The following HS1BP3 variants were observed in gnomAD, a reference collection of about 807,000 sequenced individuals.
HS1BP3 encodes HCLS1-binding protein 3.
A neutral mutation model predicts 33.5 loss-of-function variants in HS1BP3; 32 were observed. That is an observed-to-expected ratio of 0.95 (90% confidence interval 0.72 to 1.28). The LOEUF (loss-of-function observed/expected upper bound fraction) is 1.28. Ranked by LOEUF, HS1BP3 falls within the 50% of genes most tolerant of loss-of-function variation. The pLI is 0.00. For missense variants in HS1BP3, 486 were observed against 502.3 expected (o/e 0.97, Z 0.31); for synonymous variants, 187 against 209.2 (o/e 0.89, Z 0.92).
At chr2:20,554,602 A>G in the HS1BP3 span, among the ~76,000 whole-genome samples, 1 of 152,008 alleles carries the variant, frequency 6.6e-6, no homozygotes, top group Non-Finnish European at 1.5e-5. Flanking sequence ...GGGTACCTGT[A>G]ATCCAGCTAC....
intron 5 of HS1BP3, among the ~76,000 whole-genome samples, chr2:20,562,701 C>T (rs561601531): frequency 2.0e-5 from 3 of 152,238 alleles, no homozygotes; most frequent in South Asian, 2.1e-4. Flanking sequence ...AGCCCTTAGC[C>T]TGTGGGACTA....
At chr2:20,640,542 G>A (rs1003046697) in intron 3 of HS1BP3, 2 of 429,624 alleles carry the variant, frequency 4.7e-6, no homozygotes, top group African/African-American at 3.9e-5. Flanking sequence ...TGTCCCCAGG[G>A]GCAGGTCACC....
At chr2:20,566,019 A>G (rs1693117860) in intron 5 of HS1BP3, among the ~76,000 whole-genome samples, 1 of 152,228 alleles carries the variant, frequency 6.6e-6, no homozygotes, top group Non-Finnish European at 1.5e-5. Context: ...CTAATGAGGA[A>G]AGGGCTTAAC....
chr2:20,625,323 C>T (rs1694746401), intron 4 of HS1BP3, among the ~76,000 whole-genome samples: 2 of 152,206 alleles, frequency 1.3e-5, no homozygotes, highest in African/African-American at 4.8e-5. Flanking sequence ...CTCTTAGACG[C>T]CTTCAGGCCT....
intron 4 of HS1BP3, among the ~76,000 whole-genome samples, chr2:20,626,783 C>T (rs192405626): frequency 1.6e-4 from 24 of 152,318 alleles, no homozygotes; most frequent in Admixed American, 8.5e-4. Flanking sequence ...CCTCGATTCT[C>T]CACCCTAAGG....
chr2:20,566,500 T>C (rs1478121598), intron 5 of HS1BP3, among the ~76,000 whole-genome samples: 5 of 152,194 alleles, frequency 3.3e-5, no homozygotes, highest in Admixed American at 3.3e-4. Flanking sequence ...AGGCATCACT[T>C]GCTCACTCTG....
chr2:20,572,176 G>A (rs1693290974), intron 5 of HS1BP3, among the ~76,000 whole-genome samples: 1 of 152,226 alleles, frequency 6.6e-6, no homozygotes, highest in African/African-American at 2.4e-5. Context: ...GAGAGGCTGG[G>A]AAGCAGGGCT....
At chr2:20,625,055 C>A (rs1694736241) in intron 4 of HS1BP3, among the ~76,000 whole-genome samples, 163 bp from the exon 5 acceptor site, 1 of 152,330 alleles carries the variant, frequency 6.6e-6, no homozygotes, top group Admixed American at 6.5e-5. Flanking sequence ...GGGGGCCACC[C>A]AGAGCAGTCC....
At chr2:20,622,090 C>T in intron 6 of HS1BP3, 1 of 858,376 alleles carries the variant, frequency 1.2e-6, no homozygotes, top group South Asian at 1.8e-5. Context: ...ACAAAGCCTT[C>T]TTAGCCTCGA....
intron 5 of HS1BP3, among the ~76,000 whole-genome samples, chr2:20,587,535 A>G (rs946403225): frequency 1.3e-5 from 2 of 152,162 alleles, no homozygotes; most frequent in South Asian, 2.1e-4. Flanking sequence ...GCAAGAGAGC[A>G]GGATGTTTGT....
chr2:20,631,875 G>T (rs980364511), intron 4 of HS1BP3, among the ~76,000 whole-genome samples: 2 of 152,132 alleles, frequency 1.3e-5, no homozygotes, highest in African/African-American at 4.8e-5. Flanking sequence ...ATACACAAAG[G>T]GACAATGGCC....
chr2:20,568,753 G>C (rs1284213494), intron 5 of HS1BP3, among the ~76,000 whole-genome samples: 1 of 152,184 alleles, frequency 6.6e-6, no homozygotes, highest in South Asian at 2.1e-4. Context: ...GTTGGGGACA[G>C]GATGGAGAAC....
chr2:20,558,343 T>A (rs1692891071), downstream of HS1BP3, among the ~76,000 whole-genome samples: 1 of 152,204 alleles, frequency 6.6e-6, no homozygotes, highest in Non-Finnish European at 1.5e-5. Context: ...GCTGAACCGC[T>A]TGCGGCCCCT....
intron 5 of HS1BP3, among the ~76,000 whole-genome samples, chr2:20,565,612 C>T (rs554343215): frequency 6.6e-6 from 1 of 152,268 alleles, no homozygotes; most frequent in African/African-American, 2.4e-5. Flanking sequence ...GCAGGCCAAC[C>T]CCACCCCGTG....
At position 20,568,657 on chromosome 2, in the gene HS1BP3, C is replaced by T. The variant is rs117022087; in HGVS notation, c.303-8142G>A. 2.2e-4 allele frequency among the ~76,000 whole-genome samples: 34 copies of T among 152,246 alleles called. 1 individual carries two copies. Among genetic ancestry groups the T allele is most frequent in the African/African-American group, 7.7e-4 (32 of 41,544 alleles). Reference sequence around the variant, plus strand: ...CACATCTGCCTGTCTGTGGCAGCAGCTCCTGGAAGGAGCTCAGGGCCCAGG... The same window carrying T: ...CACATCTGCCTGTCTGTGGCAGCAGTTCCTGGAAGGAGCTCAGGGCCCAGG... On this transcript the variant is annotated intron_variant, in intron 5 of 5. Transcript: ENST00000446825.
intron 5 of HS1BP3, chr2:20,586,637 T>C (rs921180359): frequency 2.6e-5 from 4 of 152,196 alleles, no homozygotes; most frequent in African/African-American, 7.2e-5. Context: ...GACAATATAA[T>C]AATATAAAGC....
intron 3 of HS1BP3, among the ~76,000 whole-genome samples, chr2:20,596,835 GT>G (rs1693954573): frequency 6.6e-6 from 1 of 152,140 alleles, no homozygotes; most frequent in African/African-American, 2.4e-5. Context: ...AGGGCCTGGT[GT>G]TTTTCCCCCT....
rs111471271 is a variant in HS1BP3 at position 20,594,975 on chromosome 2, G to A, written c.*13-2181C>T. ...TCCCATACCCTCACCTTGCTGGAGA[G>A]AATTTCAACATACACGTTGTCGGGA... is the stretch of plus-strand genomic sequence containing the variant. On this transcript the variant is annotated intron_variant, in intron 3 of 3. Transcript: ENST00000415264. 7.0e-3 allele frequency among the ~76,000 whole-genome samples: 1,059 copies of A among 152,266 alleles called. 14 individuals carry two copies. The highest frequency in any genetic ancestry group is 0.024 in the African/African-American group (979 of 41,562).
At chr2:20,627,461 G>A (rs937404786) in intron 4 of HS1BP3, among the ~76,000 whole-genome samples, 7 of 152,226 alleles carry the variant, frequency 4.6e-5, no homozygotes, top group African/African-American at 9.6e-5. Flanking sequence ...GAACAGGCGC[G>A]AGGAGGTCTC....
Sources: gnomAD v4.1 joint callset for allele counts (sites outside exome capture counted in the v4.1 genomes callset) on GRCh38, gnomAD v4.1.1 for gene constraint, MANE v1.5 for transcripts, NCBI Gene and HGNC (gene_info 2026-07-23, HGNC 2026-07-21) for gene names.